The following SPATS2 variants were observed in gnomAD, a reference collection of about 807,000 sequenced individuals.
SPATS2 encodes spermatogenesis-associated serine-rich protein 2.
Under a neutral mutation model 63.7 loss-of-function variants are expected in SPATS2, and 38 were observed. The observed-to-expected ratio is 0.60, with a 90% CI of 0.46 to 0.78. The LOEUF is 0.78. Ranked by LOEUF, SPATS2 falls within the 30% of genes least tolerant of loss-of-function variation. The probability of loss-of-function intolerance (pLI) is 0.00; values close to 1 mark genes in which losing one functional copy is unlikely to be tolerated. For missense variants in SPATS2, 588 were observed against 666.2 expected (o/e 0.88, Z 1.29); for synonymous variants, 207 against 232.9 (o/e 0.89, Z 1.01).
At chr12:49,511,904 T>C (rs1480767470) in intron 9 of SPATS2, among the ~76,000 whole-genome samples, 2 of 152,186 alleles carry the variant, frequency 1.3e-5, no homozygotes, top group South Asian at 2.1e-4. Context: ...AACTTTCAGA[T>C]ATATAGAAAA....
At chr12:49,484,541 T>C (rs2137834714) in intron 3 of SPATS2, 49 bp from the exon 4 acceptor site, 2 of 1,572,708 alleles carry the variant, frequency 1.3e-6, no homozygotes, top group Admixed American at 3.4e-5. Context: ...GTCTTAGGGA[T>C]GGATTATATT....
At chr12:49,438,959 T>C (rs1007859798) in intron 2 of SPATS2, among the ~76,000 whole-genome samples, 3 of 152,182 alleles carry the variant, frequency 2.0e-5, no homozygotes, top group South Asian at 4.1e-4. Flanking sequence ...TTGAGGGAGA[T>C]AGACAATAAA....
rs1316333227 is a variant in SPATS2, at chr12:49,389,767, A to G, written c.-244+18477A>G. ...ATCAGAGAATTGCAACAAGAAAGAA[A>G]AGAATTGCGTACATCCCTGGAAGAA... On this transcript the variant is annotated intron_variant, in intron 2 of 13. Transcript: ENST00000552918. The G allele has an allele frequency of 1.2e-5, 16 of 1,344,214 alleles. No individual in the cohort carries two copies. In the South Asian group the frequency reaches 1.6e-4, roughly 14 times the overall value. The allele number at this position is 1,344,214 out of a possible 1,614,324, so 83.3% of individuals were successfully genotyped here. A position where few individuals can be genotyped will look rare whatever the true frequency, so the allele number is the denominator to read the frequency against.
intron 2 of SPATS2, among the ~76,000 whole-genome samples, chr12:49,381,484 C>T (rs904795357): frequency 4.6e-5 from 7 of 152,076 alleles, no homozygotes; most frequent in Non-Finnish European, 1.0e-4. Flanking sequence ...AATTGATGCT[C>T]CCAAATCAAG....
At chr12:49,421,064 C>T (rs934653630) in intron 2 of SPATS2, among the ~76,000 whole-genome samples, 1 of 152,066 alleles carries the variant, frequency 6.6e-6, no homozygotes, top group African/African-American at 2.4e-5. Flanking sequence ...CTGGCTTTTT[C>T]CACCAGGAAA....
chr12:49,438,946 C>T (rs965604413), intron 2 of SPATS2, among the ~76,000 whole-genome samples: 1 of 152,082 alleles, frequency 6.6e-6, no homozygotes, highest in African/African-American at 2.4e-5. Flanking sequence ...AGTTTACATC[C>T]TATTGAGGGA....
intron 2 of SPATS2, among the ~76,000 whole-genome samples, chr12:49,378,832 C>T (rs149152460): frequency 0.018 from 2,751 of 149,852 alleles, 42 homozygotes; most frequent in Non-Finnish European, 0.029. Flanking sequence ...CTAGGCTCAG[C>T]TATCCTCTGG....
rs550300174 is a variant in SPATS2, at chr12:49,449,436, G to A, written c.-243-11334G>A. On this transcript the variant is annotated intron_variant, in intron 2 of 13. Coordinates refer to ENST00000552918, the MANE Select transcript of SPATS2 (RefSeq NM_023071.4). ...TCACCATGTTGGTTAGGCTGATCTC[G>A]AACTCCTGACCTGATGATCCGCCTG... Among the ~76,000 whole-genome samples the A allele has an allele frequency of 2.4e-3, 370 of 152,202 alleles. 1 individual carries two copies. Among genetic ancestry groups the A allele is most frequent in the African/African-American group, 8.5e-3 (353 of 41,526 alleles).
At position 49,519,072 on chromosome 12, in the gene SPATS2, G is replaced by C; in HGVS notation, c.899-1G>C. 3 of 1,613,146 alleles carry C rather than the reference G, an allele frequency of 1.9e-6. No individual in the cohort carries two copies. In the Admixed American group the frequency reaches 5.0e-5, roughly 27 times the overall value. The stretch of plus-strand genomic sequence containing the variant: ...GGTTCACACTCACTTTTCCTCTACA[G>C]TGGAAATTTTGCTCAGCCGACAAAA... On this transcript the variant is annotated splice_acceptor_variant, in intron 10 of 13. Transcript: ENST00000552918. LOFTEE classifies it high-confidence loss of function.
intron 2 of SPATS2, among the ~76,000 whole-genome samples, chr12:49,412,226 T>C (rs1944809557): frequency 1.3e-5 from 2 of 152,040 alleles, no homozygotes; most frequent in East Asian, 3.9e-4. Context: ...ATGGATTCTC[T>C]CTCTGTCGCC....
chr12:49,484,728 T>C (rs1051726343), intron 4 of SPATS2, 59 bp downstream of exon 4: 8 of 1,456,846 alleles, frequency 5.5e-6, no homozygotes, highest in African/African-American at 1.4e-5. Context: ...TAGGTACTAA[T>C]ACGACTAGTG....
At chr12:49,411,763 A>G (rs1944801438) in intron 2 of SPATS2, among the ~76,000 whole-genome samples, 1 of 152,172 alleles carries the variant, frequency 6.6e-6, no homozygotes, top group Non-Finnish European at 1.5e-5. Flanking sequence ...GGAGAAAGTA[A>G]TTTTTCTTTC....
At chr12:49,502,451 G>C (rs1409196139) in intron 9 of SPATS2, among the ~76,000 whole-genome samples, 1 of 152,006 alleles carries the variant, frequency 6.6e-6, no homozygotes, top group Non-Finnish European at 1.5e-5. Flanking sequence ...CATGTCTTCT[G>C]TTTTTCTTTG....
At chr12:49,442,826 C>T (rs926034951) in intron 2 of SPATS2, among the ~76,000 whole-genome samples, 1 of 104,390 alleles carries the variant, frequency 9.6e-6, no homozygotes, top group East Asian at 6.6e-4. Context: ...AAAAAAATTA[C>T]ATTCACCATT....
chr12:49,414,636 G>T (rs943409112), intron 2 of SPATS2, among the ~76,000 whole-genome samples: 1 of 152,006 alleles, frequency 6.6e-6, no homozygotes, highest in Non-Finnish European at 1.5e-5. Flanking sequence ...ACAGGTTCTT[G>T]CTCTGTCTCA....
At chr12:49,382,632 A>G (rs1565694429) in intron 2 of SPATS2, among the ~76,000 whole-genome samples, 1 of 152,228 alleles carries the variant, frequency 6.6e-6, no homozygotes, top group Non-Finnish European at 1.5e-5. Context: ...CCTCTGTTAT[A>G]AGCCTTGTCT....
Position 49,526,572 on chromosome 12 carries a change from A to G in SPATS2, c.*317A>G, listed in dbSNP as rs937278658. The G allele has an allele frequency of 7.3e-5, 23 of 313,868 alleles. No individual in the cohort carries two copies. The highest frequency in any genetic ancestry group is 1.3e-4 in the Non-Finnish European group (22 of 169,958). The allele number at this position is 313,868 out of a possible 1,614,324, so 19.4% of individuals were successfully genotyped here. On this transcript the variant is annotated 3_prime_UTR_variant, in exon 14 of 14. Coordinates refer to ENST00000552918, the MANE Select transcript of SPATS2 (RefSeq NM_023071.4). ...CCACTGTCCAGGCTGTCTCAGGAGGAGGTGAATCAGAGCTAGTCTGTCACC... is the reference window on the plus strand; with the variant it reads ...CCACTGTCCAGGCTGTCTCAGGAGGGGGTGAATCAGAGCTAGTCTGTCACC...
At chr12:49,428,866 C>T (rs546767921) in intron 2 of SPATS2, among the ~76,000 whole-genome samples, 3 of 152,086 alleles carry the variant, frequency 2.0e-5, no homozygotes, top group East Asian at 1.9e-4. Flanking sequence ...TGCTGAGGAC[C>T]GGAGTTTTAT....
intron 2 of SPATS2, among the ~76,000 whole-genome samples, chr12:49,391,992 G>A (rs930992975): frequency 6.6e-6 from 1 of 151,966 alleles, no homozygotes; most frequent in African/African-American, 2.4e-5. Context: ...TATTGTTTTT[G>A]GGAAAGTATC....
Sources: allele counts gnomAD v4.1 joint callset (sites outside exome capture counted in the v4.1 genomes callset), GRCh38; gene constraint gnomAD v4.1.1; transcripts MANE v1.5; gene names NCBI Gene and HGNC (gene_info 2026-07-23, HGNC 2026-07-21).